KDSR: variants seen among roughly 807,000 people sequenced by gnomAD.
KDSR encodes 3-ketodihydrosphingosine reductase, also known as 3-dehydrosphinganine reductase.
A neutral mutation model predicts 41.3 loss-of-function variants in KDSR; 23 were observed. The ratio of observed to expected loss-of-function variants is 0.56; its 90% CI spans 0.40 to 0.79. KDSR has a LOEUF of 0.79. Among genes scored for constraint, KDSR ranks in the 30% least tolerant of loss-of-function variants. The pLI is 0.00. For synonymous variants in KDSR, 138 were observed against 151.7 expected (o/e 0.91, Z 0.66); for missense variants, 351 against 416.8 (o/e 0.84, Z 1.37).
intron 5 of KDSR, among the ~76,000 whole-genome samples, chr18:63,353,495 G>C (rs1240964652): frequency 6.6e-6 from 1 of 152,130 alleles, no homozygotes; most frequent in Non-Finnish European, 1.5e-5. Context: ...AGAGTCTCTG[G>C]GGTGGAGGGA....
At chr18:63,339,707 C>A (rs905749708) in intron 7 of KDSR, among the ~76,000 whole-genome samples, 1 of 152,206 alleles carries the variant, frequency 6.6e-6, no homozygotes, top group Non-Finnish European at 1.5e-5. Context: ...TTCTTGTGGG[C>A]AGGGCCTTTT....
intron 5 of KDSR, among the ~76,000 whole-genome samples, chr18:63,351,725 G>A (rs941280978): frequency 2.6e-5 from 4 of 152,094 alleles, no homozygotes; most frequent in African/African-American, 9.7e-5. Context: ...TACTAATAGT[G>A]TATTTTCTCC....
chr18:63,364,731 A>T (rs1385683774), intron 1 of KDSR, among the ~76,000 whole-genome samples: 2 of 152,224 alleles, frequency 1.3e-5, no homozygotes, highest in African/African-American at 4.8e-5. Context: ...GGAGTGAGCC[A>T]CTGTACCCGG....
intron 7 of KDSR, among the ~76,000 whole-genome samples, chr18:63,342,441 G>A (rs903680689): frequency 6.6e-6 from 1 of 152,176 alleles, no homozygotes; most frequent in Non-Finnish European, 1.5e-5. Flanking sequence ...ACGACCCCAG[G>A]AGAAATGTCT....
rs183566753 is a variant in KDSR at position 63,331,908 on chromosome 18, G to A, written c.880-7C>T. On this transcript the variant is annotated splice_polypyrimidine_tract_variant and splice_region_variant and intron_variant, in intron 9 of 9. Transcript: ENST00000645214. ...AAAGGCCCATGGTGACCACCTGCAA[G>A]ATAAAGAGAGAGCTTTTAGTGCATC... 1.2e-6 allele frequency: 2 copies of A among 1,612,868 alleles called. No homozygotes were observed. The highest frequency in any genetic ancestry group is 2.7e-5 in the African/African-American group (2 of 75,012).
At chr18:63,349,117 C>T (rs1568279853) in intron 6 of KDSR, among the ~76,000 whole-genome samples, 1 of 152,164 alleles carries the variant, frequency 6.6e-6, no homozygotes, top group Non-Finnish European at 1.5e-5. Flanking sequence ...TGTGCTGGCT[C>T]ACACCTGTAA....
At chr18:63,335,181 C>G in intron 9 of KDSR, 76 bp downstream of exon 9, 1 of 899,096 alleles carries the variant, frequency 1.1e-6, no homozygotes, top group Non-Finnish European at 1.8e-6. Context: ...TTAACCTCTT[C>G]TCATCAAGGT....
chr18:63,338,900 A>G lies in KDSR; in HGVS notation c.694-17T>C. On this transcript the variant is annotated splice_polypyrimidine_tract_variant and intron_variant, in intron 7 of 9. Transcript: ENST00000645214. ...CTCCAAAGGCTAAAAGTGGAAAAAC[A>G]TGTACATAACAATATCATGATTGCC... is the stretch of plus-strand genomic sequence containing the variant. The G allele has an allele frequency of 6.7e-7, 1 of 1,493,252 alleles. No homozygotes were observed. The highest frequency in any genetic ancestry group is 2.3e-5 in the East Asian group (1 of 44,132). The allele number at this position is 1,493,252 out of a possible 1,614,324, so 92.5% of individuals were successfully genotyped here.
At chr18:63,334,177 A>G (rs2850768) in intron 9 of KDSR, among the ~76,000 whole-genome samples, 30,648 of 152,092 alleles carry the variant, frequency 0.2, 3,330 homozygotes, top group African/African-American at 0.24. Flanking sequence ...ACAGAATGAA[A>G]AGAAAAGAGG....
intron 8 of KDSR, among the ~76,000 whole-genome samples, chr18:63,337,517 C>T (rs545439849): frequency 6.6e-6 from 1 of 152,264 alleles, no homozygotes; most frequent in Admixed American, 6.5e-5. Flanking sequence ...CAAAAGTTCT[C>T]TGGGGTTGTT....
chr18:63,348,640 A>G (rs1185373139), intron 6 of KDSR, among the ~76,000 whole-genome samples: 1 of 152,166 alleles, frequency 6.6e-6, no homozygotes, highest in South Asian at 2.1e-4. Flanking sequence ...GGCTACTCGC[A>G]GTATGCAAAT....
intron 7 of KDSR, among the ~76,000 whole-genome samples, chr18:63,339,542 C>G (rs954942982): frequency 3.3e-5 from 5 of 152,208 alleles, no homozygotes; most frequent in African/African-American, 1.2e-4. Flanking sequence ...AAATCTTAGC[C>G]TTTTCTTCCT....
At chr18:63,338,269 A>G (rs977353727) in intron 8 of KDSR, among the ~76,000 whole-genome samples, 15 of 152,260 alleles carry the variant, frequency 9.9e-5, no homozygotes, top group Admixed American at 5.2e-4. Context: ...GCATTAACAG[A>G]AATGTTGTCA....
chr18:63,348,323 T>A (rs1465370251), intron 6 of KDSR, among the ~76,000 whole-genome samples: 5 of 138,176 alleles, frequency 3.6e-5, no homozygotes, highest in Admixed American at 7.1e-5. Context: ...AAATAAAAAT[T>A]AAAAAAAAAA....
intron 7 of KDSR, among the ~76,000 whole-genome samples, chr18:63,341,394 A>T (rs1185729100): frequency 1.3e-5 from 2 of 152,102 alleles, no homozygotes; most frequent in Non-Finnish European, 2.9e-5. Context: ...GTAACCCAGT[A>T]GAAATAAAGA....
At chr18:63,339,019 G>T (rs893021771) in intron 7 of KDSR, 136 bp from the exon 8 acceptor site, 10 of 594,906 alleles carry the variant, frequency 1.7e-5, no homozygotes, top group Non-Finnish European at 2.9e-5. Flanking sequence ...CTAGAATAAG[G>T]TCCATCTGGA....
At chr18:63,357,903 A>C (rs2551411) in intron 3 of KDSR, among the ~76,000 whole-genome samples, 121,591 of 152,080 alleles carry the variant, frequency 0.8, 48,812 homozygotes, top group East Asian at 0.97. Flanking sequence ...GTGGTCTGGG[A>C]ATGGTGGCTC....
chr18:63,362,755 TA>T, intron 2 of KDSR, 23 bp downstream of exon 2: 1 of 1,506,038 alleles, frequency 6.6e-7, no homozygotes, highest in Non-Finnish European at 9.2e-7. Flanking sequence ...AGCAAGTCAG[TA>T]ATAATGAACC....
chr18:63,362,283 A>G (rs1184283896), intron 2 of KDSR, among the ~76,000 whole-genome samples: 1 of 152,286 alleles, frequency 6.6e-6, no homozygotes, highest in Non-Finnish European at 1.5e-5. Context: ...GACTTAATAC[A>G]GAAAAACACA....
Sources: gnomAD v4.1 joint callset for allele counts (sites outside exome capture counted in the v4.1 genomes callset) on GRCh38, gnomAD v4.1.1 for gene constraint, MANE v1.5 for transcripts, NCBI Gene and HGNC (gene_info 2026-07-23, HGNC 2026-07-21) for gene names.